The following ACSM4 variants were observed in gnomAD, a reference collection of about 807,000 sequenced individuals.
ACSM4 encodes the protein acyl-CoA synthetase medium chain family member 4.
Under a neutral mutation model 73.0 loss-of-function variants are expected in ACSM4, and 66 were observed. The observed-to-expected ratio is 0.90, with a 90% CI of 0.74 to 1.11. The LOEUF is 1.11. ACSM4 is among the 50% of genes least tolerant of loss of function. The pLI is 0.00. For missense variants in ACSM4, 645 were observed against 714.4 expected (o/e 0.90, Z 1.11); for synonymous variants, 222 against 254.0 (o/e 0.87, Z 1.20).
chr12:7,319,932 T>C (rs957562031), intron 5 of ACSM4, among the ~76,000 whole-genome samples: 1 of 152,232 alleles, frequency 6.6e-6, no homozygotes, highest in East Asian at 1.9e-4. Flanking sequence ...TTTTTAGGTG[T>C]ATACATTACA....
intron 2 of ACSM4, among the ~76,000 whole-genome samples, chr12:7,309,849 T>C (rs1414237471): frequency 2.0e-5 from 3 of 152,212 alleles, no homozygotes; most frequent in Non-Finnish European, 1.5e-5. Context: ...AGTGGTATGA[T>C]CTTGGCTCAC....
chr12:7,318,204 G>C (rs1946435886), intron 5 of ACSM4, 22 bp downstream of exon 5: 2 of 1,610,254 alleles, frequency 1.2e-6, no homozygotes, highest in African/African-American at 2.7e-5. Context: ...CCTCCAGCTA[G>C]ATAGATCTTT....
At chr12:7,325,167 A>T (rs1946494631) in intron 11 of ACSM4, among the ~76,000 whole-genome samples, 1 of 152,250 alleles carries the variant, frequency 6.6e-6, no homozygotes, top group Non-Finnish European at 1.5e-5. Context: ...GACTTGGATC[A>T]TACGTCTATC....
At chr12:7,317,610 C>A (rs1946431206) in intron 4 of ACSM4, among the ~76,000 whole-genome samples, 1 of 152,154 alleles carries the variant, frequency 6.6e-6, no homozygotes, top group Non-Finnish European at 1.5e-5. Flanking sequence ...TTTTATTTTC[C>A]TCATGGCATT....
In ACSM4 at chr12:7,322,446, T is replaced by C; in HGVS notation, c.1030T>C (p.Leu344=). Residue 344 remains leucine (L), a synonymous_variant, in exon 7 of 13, where the codon TTG becomes CTG. Transcript: ENST00000399422. ...TAAATTCAAGAGTCTGCGGCACTGC[T>C]TGACCGGAGGGGAGCCACTCAACCC... The part of the protein sequence containing the change: ...RYKFKSLRHC[L]TGGEPLNPEV... 1 of 1,613,832 alleles carries C rather than the reference T, an allele frequency of 6.2e-7. No individual in the cohort carries two copies. The highest frequency in any genetic ancestry group is 8.5e-7 in the Non-Finnish European group (1 of 1,179,834).
intron 3 of ACSM4, among the ~76,000 whole-genome samples, chr12:7,313,759 G>C (rs182303691): frequency 2.6e-5 from 4 of 152,246 alleles, no homozygotes; most frequent in African/African-American, 9.6e-5. Context: ...ATACCCTAAG[G>C]TGTGCAGGGA....
Position 7,310,765 on chromosome 12 carries a change from C to T in ACSM4, c.620+19C>T, listed in dbSNP as rs1210583248. 6.3e-7 allele frequency: 1 copy of T among 1,599,606 alleles called. No individual in the cohort carries two copies. The highest frequency in any genetic ancestry group is 1.4e-5 in the African/African-American group (1 of 73,600). ...TATTTCAGTGAGTATTTTTCCCAGC[C>T]AATCTACACTGCTGGCAACAACACA... On this transcript the variant is annotated intron_variant, in intron 3 of 12. Transcript: ENST00000399422.
rs1305296124 is a variant in ACSM4, at chr12:7,323,188, G to A, written c.1126-46G>A. 4 of 1,509,928 alleles carry A rather than the reference G, an allele frequency of 2.6e-6. No homozygotes were observed. The Admixed American group carries it at 8.1e-5, about 31-fold the overall frequency. 93.5% of individuals were successfully genotyped at this position (1,509,928 alleles called of 1,614,324 possible). A position where few individuals can be genotyped will look rare whatever the true frequency, so the allele number is the denominator to read the frequency against. On this transcript the variant is annotated intron_variant, in intron 7 of 12. Coordinates refer to ENST00000399422, the MANE Select transcript of ACSM4 (RefSeq NM_001080454.2). ...TTTTCATTGCCATGATATAGTTTCA[G>A]AATATAAACTTTTGTATACTTATAC...
At chr12:7,315,830 A>AAGTATCCAAGG (rs1337970863) in intron 3 of ACSM4, among the ~76,000 whole-genome samples, 2 of 152,114 alleles carry the variant, frequency 1.3e-5, no homozygotes, top group African/African-American at 4.8e-5. Flanking sequence ...ACTGGGGCTC[A>AAGTATCCAAGG]AGTATCCAAG....
chr12:7,323,660 C>CTA, intron 9 of ACSM4, 100 bp downstream of exon 9: 1 of 1,005,110 alleles, frequency 9.9e-7, no homozygotes, highest in South Asian at 1.4e-5. Flanking sequence ...GCAACAAAAT[C>CTA]TTTCACAACT....
rs376217473 is a variant in ACSM4 at position 7,323,289 on chromosome 12, A to T, written c.1181A>T (p.Lys394Ile). 1 of 1,611,406 alleles carries T rather than the reference A, an allele frequency of 6.2e-7. No homozygotes were observed. Among genetic ancestry groups the T allele is most frequent in the Non-Finnish European group, 8.5e-7 (1 of 1,178,900 alleles). Reference protein sequence around the residue: ...GQEIKPGSMGKGMLPYDVQII... With the variant: ...GQEIKPGSMGIGMLPYDVQII... ...GAAATTAAACCAGGTTCAATGGGGA[A>T]AGGAATGCTGCCCTATGATGTCCAG... is the stretch of plus-strand genomic sequence containing the variant. The change falls in exon 8 of 13, where the codon AAA (lysine) becomes ATA (isoleucine). Residue 394 changes from lysine (K) to isoleucine (I), a missense_variant. Lys to Ile is a moderately radical substitution (Grantham distance 102, BLOSUM62 -3). Coordinates refer to ENST00000399422, the MANE Select transcript of ACSM4 (RefSeq NM_001080454.2).
At position 7,322,556 on chromosome 12, in the gene ACSM4, C is replaced by A. The variant is rs767795103; in HGVS notation, c.1125+15C>A. The A allele has an allele frequency of 3.7e-6, 6 of 1,607,846 alleles. No homozygotes were observed. The East Asian group carries it at 1.3e-4, about 36-fold the overall frequency. ...AGACGGAAGTGGTATATCTAAAGGGCATTTATGTTTAGTATATGTGGGGGC... is the reference window on the plus strand; with the variant it reads ...AGACGGAAGTGGTATATCTAAAGGGAATTTATGTTTAGTATATGTGGGGGC... On this transcript the variant is annotated intron_variant, in intron 7 of 12. Transcript: ENST00000399422.
chr12:7,319,843 G>T (rs1379723117), intron 5 of ACSM4, among the ~76,000 whole-genome samples: 8 of 152,228 alleles, frequency 5.3e-5, no homozygotes, highest in Non-Finnish European at 1.5e-5. Context: ...ACCTACATTT[G>T]TAAAATAAGA....
chr12:7,323,661 T>C (rs1171346642), intron 9 of ACSM4, 101 bp downstream of exon 9: 12 of 1,008,666 alleles, frequency 1.2e-5, no homozygotes, highest in Admixed American at 6.5e-5. Context: ...CAACAAAATC[T>C]TTCACAACTG....
intron 9 of ACSM4, among the ~76,000 whole-genome samples, chr12:7,323,888 A>T (rs903817746): frequency 6.6e-6 from 1 of 152,108 alleles, no homozygotes; most frequent in Non-Finnish European, 1.5e-5. Context: ...AAAAAAATTT[A>T]ATTTCCAGCC....
In ACSM4 at chr12:7,304,952, A is replaced by C. The variant is rs1304302718; in HGVS notation, c.201+420A>C. 2.0e-5 allele frequency among the ~76,000 whole-genome samples: 3 copies of C among 152,322 alleles called. No individual in the cohort carries two copies. In the East Asian group the frequency reaches 5.8e-4, roughly 29 times the overall value. Reference sequence around the variant, plus strand: ...AGAATAAAGCAAGCGGCCCTTATGCAATGTTTACAGTGCAGCCTCAGGATG... The same window carrying C: ...AGAATAAAGCAAGCGGCCCTTATGCCATGTTTACAGTGCAGCCTCAGGATG... On this transcript the variant is annotated intron_variant, in intron 1 of 12. Coordinates refer to ENST00000399422, the MANE Select transcript of ACSM4 (RefSeq NM_001080454.2).
intron 1 of ACSM4, among the ~76,000 whole-genome samples, chr12:7,306,196 G>A (rs937980797): frequency 2.0e-5 from 3 of 152,210 alleles, no homozygotes; most frequent in East Asian, 1.9e-4. Context: ...CTGAGCATGC[G>A]TAAGCACGAA....
chr12:7,304,579 C>T, intron 1 of ACSM4, 47 bp downstream of exon 1: 2 of 1,554,064 alleles, frequency 1.3e-6, no homozygotes, highest in East Asian at 2.2e-5. Flanking sequence ...CCCCTTATCT[C>T]TCAGTCTTCC....
chr12:7,324,056 T>A (rs1014718741), intron 9 of ACSM4, among the ~76,000 whole-genome samples: 4 of 151,754 alleles, frequency 2.6e-5, no homozygotes, highest in African/African-American at 9.7e-5. Flanking sequence ...CACATGTCTG[T>A]GGTCCCAGCT....
Sources: gnomAD v4.1 joint callset for allele counts (sites outside exome capture counted in the v4.1 genomes callset) on GRCh38, gnomAD v4.1.1 for gene constraint, MANE v1.5 for transcripts, NCBI Gene and HGNC (gene_info 2026-07-23, HGNC 2026-07-21) for gene names.